TAS1R2: variants seen among roughly 807,000 people sequenced by gnomAD.
TAS1R2 encodes taste receptor type 1 member 2.
A neutral mutation model predicts 49.3 loss-of-function variants in TAS1R2; 47 were observed. The ratio of observed to expected loss-of-function variants is 0.95; its 90% confidence interval spans 0.75 to 1.22. The LOEUF (loss-of-function observed/expected upper bound fraction) is 1.22. Among genes scored for constraint, TAS1R2 ranks in the 50% most tolerant of loss-of-function variants. The probability of loss-of-function intolerance (pLI) is 0.00; values close to 1 mark genes in which losing one functional copy is unlikely to be tolerated. For synonymous variants in TAS1R2, 479 were observed against 467.9 expected (o/e 1.02, Z -0.31); for missense variants, 1,155 against 1,122.1 (o/e 1.03, Z -0.42).
Position 18,854,960 on chromosome 1 carries a change from C to A in TAS1R2, c.510G>T (p.Glu170Asp), listed in dbSNP as rs746461809. ...CCGGGAAGCGCACCTTGTCTCGCAGCTCATCGCTGATGGCGCTGTAGGTGA... is the reference window on the plus strand; with the variant it reads ...CCGGGAAGCGCACCTTGTCTCGCAGATCATCGCTGATGGCGCTGTAGGTGA... Residue 170 changes from glutamate (E) to aspartate (D), a missense_variant, in exon 3 of 6, where the codon GAG (glutamate) becomes GAT (aspartate). Glu to Asp is a conservative substitution (Grantham distance 45, BLOSUM62 2). Transcript: ENST00000375371. The surrounding 1 kb of genome is among the most constrained non-coding windows in gnomAD (Gnocchi z 4.9). 1.9e-6 allele frequency: 3 copies of A among 1,606,700 alleles called. No homozygotes were observed. Among genetic ancestry groups the A allele is most frequent in the Non-Finnish European group, 1.7e-6 (2 of 1,173,848 alleles).
chr1:18,851,222 G>GC (rs1557598290), intron 3 of TAS1R2, among the ~76,000 whole-genome samples: 1 of 152,190 alleles, frequency 6.6e-6, no homozygotes, highest in Non-Finnish European at 1.5e-5. Context: ...GTGGGGAAGA[G>GC]CCAGACCAGT....
chr1:18,854,724 A>C lies in TAS1R2; in HGVS notation c.746T>G (p.Met249Arg). ...CAGGCGCTGGCGCTCCTCTGACGTC[A>C]TGTTCTGGTTGGGCTGCAGTGTGGG... The change falls in exon 3 of 6, where the codon ATG (methionine) becomes AGG (arginine). Residue 249 changes from methionine (M) to arginine (R), a missense_variant. Transcript: ENST00000375371. This position sits in a 1 kb window ranked among gnomAD's most constrained non-coding sequence, Gnocchi z 4.9. 4.3e-6 allele frequency: 7 copies of C among 1,613,000 alleles called. No individual in the cohort carries two copies. The South Asian group carries it at 7.7e-5, about 18-fold the overall frequency.
rs1569676521 is a variant in TAS1R2, at chr1:18,854,678, C to T, written c.792G>A (p.Leu264=). The T allele has an allele frequency of 6.2e-7, 1 of 1,613,906 alleles. No homozygotes were observed. Among genetic ancestry groups the T allele is most frequent in the East Asian group, 2.2e-5 (1 of 44,874 alleles). ...CCACGACGCGCGCTGTGCTCTGCTG[C>T]AGCTTGTCCACAATGGTCACCAGGC... The change falls in exon 3 of 6, where the codon CTG becomes CTA. Residue 264 remains leucine, a synonymous_variant. Coordinates refer to ENST00000375371, the Ensembl canonical transcript of TAS1R2. This position sits in a 1 kb window ranked among gnomAD's most constrained non-coding sequence, Gnocchi z 4.9.
At chr1:18,857,363 C>T in exon 2 of TAS1R2, 3 of 1,614,096 alleles carry the variant, frequency 1.9e-6, no homozygotes, top group Non-Finnish European at 2.5e-6. Flanking sequence ...AGGAAGTTGG[C>T]CACAGTCATG....
exon 2 of TAS1R2, chr1:18,857,522 T>A: frequency 6.2e-7 from 1 of 1,613,386 alleles, no homozygotes; most frequent in African/African-American, 1.3e-5. Context: ...ACATCCACGA[T>A]CTCATAGCCC....
At chr1:18,859,228 A>T (rs571592926) in intron 1 of TAS1R2, among the ~76,000 whole-genome samples, 65 of 152,082 alleles carry the variant, frequency 4.3e-4, no homozygotes, top group Admixed American at 7.9e-4. Context: ...AACTCTATTT[A>T]AAAAAAATGG....
At chr1:18,857,446 G>A in exon 2 of TAS1R2, 1 of 1,614,202 alleles carries the variant, frequency 6.2e-7, no homozygotes, top group South Asian at 1.1e-5. Context: ...CTCTTGGATG[G>A]GAAGGAGGTT....
intron 3 of TAS1R2, among the ~76,000 whole-genome samples, chr1:18,852,037 A>G (rs1008361601): frequency 1.3e-5 from 2 of 152,246 alleles, no homozygotes; most frequent in African/African-American, 4.8e-5. Flanking sequence ...TTCATCCAAT[A>G]TTCACTGAGA....
intron 4 of TAS1R2, among the ~76,000 whole-genome samples, chr1:18,846,079 AT>A (rs1309753191): frequency 1.3e-5 from 2 of 152,040 alleles, no homozygotes; most frequent in African/African-American, 4.8e-5. Context: ...CCTGCCTCAT[AT>A]TTTCTCAACC....
chr1:18,856,936 G>A (rs1032144944), intron 2 of TAS1R2, among the ~76,000 whole-genome samples: 1 of 152,202 alleles, frequency 6.6e-6, no homozygotes, highest in African/African-American at 2.4e-5. Flanking sequence ...TCCTGTGCAA[G>A]ATGCTTTATA....
At chr1:18,855,998 A>G (rs1310204922) in intron 2 of TAS1R2, among the ~76,000 whole-genome samples, 2 of 151,986 alleles carry the variant, frequency 1.3e-5, no homozygotes, top group African/African-American at 2.4e-5. Flanking sequence ...CCTTTCCCCT[A>G]TAGTCTATGC....
At chr1:18,851,415 C>T (rs1408698808) in intron 3 of TAS1R2, among the ~76,000 whole-genome samples, 5 of 152,040 alleles carry the variant, frequency 3.3e-5, no homozygotes, top group Non-Finnish European at 7.4e-5. Context: ...CTACAACATC[C>T]GTCTCCTGGG....
At chr1:18,846,242 A>T (rs1232916869) in intron 4 of TAS1R2, among the ~76,000 whole-genome samples, 20 of 152,220 alleles carry the variant, frequency 1.3e-4, no homozygotes, top group Admixed American at 1.3e-3. Context: ...AACACCCCAC[A>T]GAGCAACCCC....
At position 18,859,464 on chromosome 1, in the gene TAS1R2, A is replaced by C. The variant is rs771217597; in HGVS notation, c.182+15T>G. The C allele has an allele frequency of 1.2e-6, 2 of 1,613,722 alleles. No individual in the cohort carries two copies. The highest frequency in any genetic ancestry group is 1.7e-6 in the Non-Finnish European group (2 of 1,179,746). The stretch of plus-strand genomic sequence containing the variant: ...CATCCCCACTGCCACTTCCAGCCCC[A>C]CACTGGAGACTCACTCCTTGCACAT... On this transcript the variant is annotated intron_variant, in intron 1 of 5. Transcript: ENST00000375371.
chr1:18,840,338 G>T, exon 6 of TAS1R2: 1 of 1,614,128 alleles, frequency 6.2e-7, no homozygotes, highest in Non-Finnish European at 8.5e-7. Flanking sequence ...GCGAACTATG[G>T]GTGTCTGGAA....
chr1:18,840,297 G>A (rs1933797087), exon 6 of TAS1R2: 1 of 1,614,044 alleles, frequency 6.2e-7, no homozygotes, highest in Non-Finnish European at 8.5e-7. Flanking sequence ...AGCAGTGTCA[G>A]CATCAGGAAG....
chr1:18,858,650 T>C (rs1934185429), intron 1 of TAS1R2, among the ~76,000 whole-genome samples: 1 of 152,108 alleles, frequency 6.6e-6, no homozygotes, highest in Non-Finnish European at 1.5e-5. Context: ...CCAGTATTAC[T>C]GTTATCAACA....
intron 4 of TAS1R2, among the ~76,000 whole-genome samples, chr1:18,843,648 CT>C (rs1303496773): frequency 1.3e-5 from 2 of 152,210 alleles, no homozygotes; most frequent in Non-Finnish European, 2.9e-5. Flanking sequence ...TCGAGGAGAT[CT>C]GATGATGTTT....
chr1:18,853,382 C>T (rs763932170), intron 3 of TAS1R2, among the ~76,000 whole-genome samples: 1 of 130,500 alleles, frequency 7.7e-6, no homozygotes, highest in Non-Finnish European at 1.7e-5. Flanking sequence ...TAACTGCAAT[C>T]TTTTAAAAGA....
Sources: gnomAD v4.1 joint callset for allele counts (sites outside exome capture counted in the v4.1 genomes callset) on GRCh38, gnomAD v4.1.1 for gene constraint, Gnocchi (gnomAD v3.1) non-coding constraint, MANE v1.5 for transcripts, NCBI Gene and HGNC (gene_info 2026-07-23, HGNC 2026-07-21) for gene names.